Variants in KIF16B observed in about 807,000 individuals in gnomAD.
The protein encoded by KIF16B is kinesin family member 16B, also known as kinesin-like protein KIF16B.
KIF16B carries 98 observed loss-of-function variants against 156.3 expected under a neutral mutation model. The ratio of observed to expected loss-of-function variants is 0.63; its 90% confidence interval spans 0.53 to 0.74. The LOEUF (loss-of-function observed/expected upper bound fraction) is 0.74, where lower values mean the gene tolerates loss of function less well. Among genes scored for constraint, KIF16B ranks in the 30% least tolerant of loss-of-function variants. The pLI is 0.00. For missense variants in KIF16B, 1,421 were observed against 1,606.5 expected (o/e 0.88, Z 1.97); for synonymous variants, 564 against 583.7 (o/e 0.97, Z 0.49).
intron 15 of KIF16B, among the ~76,000 whole-genome samples, chr20:16,408,461 C>T (rs140692118): frequency 2.6e-5 from 4 of 152,098 alleles, no homozygotes; most frequent in South Asian, 2.1e-4. Flanking sequence ...TAAGCAGCCA[C>T]GTCTAGGATG....
chr20:16,316,717 C>G (rs2063703024), intron 24 of KIF16B, among the ~76,000 whole-genome samples: 1 of 152,086 alleles, frequency 6.6e-6, no homozygotes, highest in Non-Finnish European at 1.5e-5. Flanking sequence ...TTTTTTTTCT[C>G]TCCACAAGTG....
At chr20:16,439,542 TC>T (rs888173810) in intron 12 of KIF16B, among the ~76,000 whole-genome samples, 1 of 152,162 alleles carries the variant, frequency 6.6e-6, no homozygotes, top group Admixed American at 6.6e-5. Flanking sequence ...TGGAAAATTC[TC>T]CCCTAAATCT....
chr20:16,453,344 C>A (rs2067134358), intron 12 of KIF16B, among the ~76,000 whole-genome samples: 1 of 151,836 alleles, frequency 6.6e-6, no homozygotes, highest in African/African-American at 2.4e-5. Flanking sequence ...GAAAAAATTT[C>A]TAATTATAAT....
rs534186417 is a variant in KIF16B, at chr20:16,446,476, C to T, written c.1303-16494G>A. 3.3e-5 allele frequency among the ~76,000 whole-genome samples: 5 copies of T among 152,252 alleles called. No homozygotes were observed. In the South Asian group the frequency reaches 6.2e-4, roughly 19 times the overall value. ...ATGTTCCCCTGCACCATCTTGATTC[C>T]ATTAACTCTTGCCTACAGTGACATT... On this transcript the variant is annotated intron_variant, in intron 12 of 25. Transcript: ENST00000354981.
At chr20:16,316,361 T>C (rs2063697738) in intron 24 of KIF16B, among the ~76,000 whole-genome samples, 1 of 152,202 alleles carries the variant, frequency 6.6e-6, no homozygotes, top group African/African-American at 2.4e-5. Flanking sequence ...GTATCTTATA[T>C]TTTAAAATAT....
At chr20:16,277,621 T>C (rs922607434) in intron 25 of KIF16B, among the ~76,000 whole-genome samples, 14 of 152,146 alleles carry the variant, frequency 9.2e-5, no homozygotes, top group African/African-American at 4.8e-5. Context: ...TCCCTTGTTG[T>C]TGACCCCAAA....
At chr20:16,414,507 C>T (rs553222512) in intron 15 of KIF16B, among the ~76,000 whole-genome samples, 17 of 152,244 alleles carry the variant, frequency 1.1e-4, no homozygotes, top group Non-Finnish European at 1.3e-4. Context: ...AGATAAATCA[C>T]TTCAACCTCT....
At chr20:16,541,944 T>C (rs2070220062) in intron 1 of KIF16B, among the ~76,000 whole-genome samples, 1 of 152,188 alleles carries the variant, frequency 6.6e-6, no homozygotes, top group African/African-American at 2.4e-5. Context: ...AGCTGAAGGC[T>C]GGGCCAACCA....
rs112601256 is a variant in KIF16B at position 16,281,633 on chromosome 20, C to A, written c.3796-8222G>T. Reference sequence around the variant, plus strand: ...TAGGCTGGGTTCCCTTTCCAACATGCTCCCAAATGTGCTCCACACTCCAAG... The same window carrying A: ...TAGGCTGGGTTCCCTTTCCAACATGATCCCAAATGTGCTCCACACTCCAAG... On this transcript the variant is annotated intron_variant, in intron 25 of 25. Transcript: ENST00000354981. Among the ~76,000 whole-genome samples the A allele has an allele frequency of 1.2e-3, 185 of 152,324 alleles. 2 individuals are homozygous for A. The highest frequency in any genetic ancestry group is 4.0e-3 in the African/African-American group (168 of 41,566).
intron 22 of KIF16B, chr20:16,366,944 T>C: frequency 8.0e-7 from 1 of 1,252,234 alleles, no homozygotes; most frequent in Non-Finnish European, 1.0e-6. Context: ...TAAAGATATT[T>C]TATTGGGGCT....
intron 1 of KIF16B, among the ~76,000 whole-genome samples, chr20:16,550,528 C>CT (rs745923425): frequency 0.016 from 1,605 of 103,472 alleles, 40 homozygotes; most frequent in East Asian, 0.042. Flanking sequence ...ATGAAACATT[C>CT]TTTTTTTTTT....
At position 16,273,386 on chromosome 20, in the gene KIF16B, A is replaced by G; in HGVS notation, c.3821T>C (p.Val1274Ala). Residue 1274 changes from valine to alanine, a missense_variant, in exon 26 of 26, where the codon GTG becomes GCG. Val to Ala is a moderately conservative substitution (Grantham distance 64). Transcript: ENST00000354981. Reference protein sequence around the residue: ...LEKYLRDFFSVMLQSATSPLH... With the variant: ...LEKYLRDFFSAMLQSATSPLH... ...GGGAGATGTTGCGGACTGGAGCATC[A>G]CGCTGAAAAAGTCCCTGAGGTATTT... 2.5e-6 allele frequency: 4 copies of G among 1,614,158 alleles called. No individual in the cohort carries two copies. Among genetic ancestry groups the G allele is most frequent in the Non-Finnish European group, 2.5e-6 (3 of 1,180,006 alleles).
intron 12 of KIF16B, among the ~76,000 whole-genome samples, chr20:16,472,897 C>A (rs921075568): frequency 6.6e-6 from 1 of 152,170 alleles, no homozygotes; most frequent in African/African-American, 2.4e-5. Flanking sequence ...ATAGACCAAC[C>A]TTAGAAACTA....
chr20:16,317,668 C>T (rs1214881629), intron 24 of KIF16B, among the ~76,000 whole-genome samples: 3 of 152,174 alleles, frequency 2.0e-5, no homozygotes, highest in Non-Finnish European at 2.9e-5. Context: ...CTGCTACCAC[C>T]GCAAACACTG....
At chr20:16,550,524 C>T (rs2070601733) in intron 1 of KIF16B, among the ~76,000 whole-genome samples, 2 of 136,578 alleles carry the variant, frequency 1.5e-5, no homozygotes, top group South Asian at 2.4e-4. Context: ...ACACATGAAA[C>T]ATTCTTTTTT....
chr20:16,477,696 G>A (rs1452763473), intron 12 of KIF16B, among the ~76,000 whole-genome samples: 1 of 152,148 alleles, frequency 6.6e-6, no homozygotes, highest in Non-Finnish European at 1.5e-5. Context: ...TTGCTGAAAA[G>A]TTTTCTAAGA....
intron 1 of KIF16B, among the ~76,000 whole-genome samples, chr20:16,532,575 G>A (rs1180493879): frequency 6.6e-6 from 1 of 152,138 alleles, no homozygotes; most frequent in African/African-American, 2.4e-5. Flanking sequence ...AATTACCAAA[G>A]CATGTCCTGC....
At chr20:16,408,270 G>C (rs1487281469) in intron 15 of KIF16B, among the ~76,000 whole-genome samples, 2 of 152,128 alleles carry the variant, frequency 1.3e-5, no homozygotes, top group Admixed American at 1.3e-4. Context: ...ATGAAAAGGA[G>C]GATAAGACAG....
At chr20:16,408,681 C>A (rs2065845623) in intron 15 of KIF16B, among the ~76,000 whole-genome samples, 1 of 152,036 alleles carries the variant, frequency 6.6e-6, no homozygotes. Context: ...AATAATCTTG[C>A]CACCCATGTT....
Sources: allele counts gnomAD v4.1 joint callset (sites outside exome capture counted in the v4.1 genomes callset), GRCh38; gene constraint gnomAD v4.1.1; transcripts MANE v1.5; gene names NCBI Gene and HGNC (gene_info 2026-07-23, HGNC 2026-07-21).